Variants in CXCL13 observed in about 807,000 individuals in gnomAD.
CXCL13 encodes the protein C-X-C motif chemokine ligand 13.
In CXCL13, 7 loss-of-function variants were observed where a neutral mutation model predicts 12.2. That is an observed-to-expected ratio of 0.57 (90% CI 0.33 to 1.07). The LOEUF (loss-of-function observed/expected upper bound fraction) is 1.07. Among genes scored for constraint, CXCL13 ranks in the 50% least tolerant of loss-of-function variants. CXCL13 has a pLI of 0.04. For missense variants in CXCL13, 113 were observed against 127.4 expected, an observed-to-expected ratio of 0.89 and a Z score of 0.55; for synonymous variants, 47 against 42.4, an observed-to-expected ratio of 1.11 and a Z score of -0.42.
intron 1 of CXCL13, among the ~76,000 whole-genome samples, chr4:77,580,470 G>A (rs1726301186): frequency 6.6e-6 from 1 of 150,556 alleles, no homozygotes. Flanking sequence ...GGGACTACAG[G>A]CACCCACCAC....
At chr4:77,540,696 G>A (rs557421749) in intron 1 of CXCL13, among the ~76,000 whole-genome samples, 1 of 152,202 alleles carries the variant, frequency 6.6e-6, no homozygotes, top group South Asian at 2.1e-4. Context: ...CTGATTCTAT[G>A]CCTGCTATTG....
intron 1 of CXCL13, among the ~76,000 whole-genome samples, chr4:77,557,577 C>A (rs953480731): frequency 2.6e-5 from 4 of 152,216 alleles, no homozygotes; most frequent in African/African-American, 9.6e-5. Flanking sequence ...CAAGTCAGAT[C>A]CATTCATTAC....
chr4:77,549,326 C>G (rs1367159889), intron 1 of CXCL13, among the ~76,000 whole-genome samples: 1 of 152,172 alleles, frequency 6.6e-6, no homozygotes, highest in Non-Finnish European at 1.5e-5. Context: ...TCTTCTGAAG[C>G]CTAGTTCTGT....
intron 1 of CXCL13, among the ~76,000 whole-genome samples, chr4:77,548,041 T>A (rs1289085577): frequency 1.3e-5 from 2 of 152,082 alleles, no homozygotes; most frequent in African/African-American, 4.8e-5. Flanking sequence ...AAATTTTTTT[T>A]AAGGACTAGA....
chr4:77,582,808 A>G, intron 1 of CXCL13, among the ~76,000 whole-genome samples: 1 of 152,222 alleles, frequency 6.6e-6, no homozygotes. Flanking sequence ...TTAGTAAGTT[A>G]TTGACAGAGG....
chr4:77,516,035 C>CA (rs1405699865), intron 1 of CXCL13, among the ~76,000 whole-genome samples: 1 of 152,142 alleles, frequency 6.6e-6, no homozygotes, highest in African/African-American at 2.4e-5. Context: ...TGAATTTTGT[C>CA]AAAGGCCTTT....
intron 1 of CXCL13, among the ~76,000 whole-genome samples, chr4:77,580,223 C>G (rs1009024938): frequency 6.9e-6 from 1 of 145,442 alleles, no homozygotes; most frequent in African/African-American, 2.5e-5. Context: ...AACAAAATTT[C>G]ACTTTTAAAC....
At chr4:77,607,877 A>G (rs762118673) in intron 2 of CXCL13, 42 bp downstream of exon 2, 21 of 1,584,116 alleles carry the variant, frequency 1.3e-5, no homozygotes, top group African/African-American at 6.7e-5. Flanking sequence ...CCTTCTCCCA[A>G]TGAAATCAGA....
At chr4:77,514,070 C>G (rs1268516071) in intron 1 of CXCL13, among the ~76,000 whole-genome samples, 1 of 151,800 alleles carries the variant, frequency 6.6e-6, no homozygotes, top group Non-Finnish European at 1.5e-5. Context: ...GTTTTTTGTT[C>G]TTGCAATAGT....
chr4:77,516,325 A>C (rs528909049), intron 1 of CXCL13, among the ~76,000 whole-genome samples: 1 of 152,204 alleles, frequency 6.6e-6, no homozygotes, highest in Non-Finnish European at 1.5e-5. Flanking sequence ...GGCCTCATAA[A>C]TGAGTTAGGG....
At chr4:77,520,225 A>C (rs1027997991) in intron 1 of CXCL13, among the ~76,000 whole-genome samples, 2 of 152,138 alleles carry the variant, frequency 1.3e-5, no homozygotes, top group African/African-American at 4.8e-5. Context: ...TATGAACTTT[A>C]AAGTAGTTTT....
chr4:77,586,610 T>C (rs1236264799), intron 1 of CXCL13, among the ~76,000 whole-genome samples: 2 of 152,190 alleles, frequency 1.3e-5, no homozygotes, highest in Non-Finnish European at 2.9e-5. Flanking sequence ...CATGCTGTGC[T>C]AGGCTGCATA....
chr4:77,604,125 C>A (rs1233918256), upstream of CXCL13, among the ~76,000 whole-genome samples: 1 of 152,180 alleles, frequency 6.6e-6, no homozygotes, highest in Non-Finnish European at 1.5e-5. Context: ...TGATAACCTC[C>A]TCGGGCTCTG....
chr4:77,514,003 T>A (rs964586582), intron 1 of CXCL13, among the ~76,000 whole-genome samples: 3 of 152,094 alleles, frequency 2.0e-5, no homozygotes, highest in African/African-American at 7.2e-5. Flanking sequence ...CCCCTTCCTG[T>A]GTCCATGTGT....
At chr4:77,552,025 T>C (rs961868410) in intron 1 of CXCL13, among the ~76,000 whole-genome samples, 1 of 152,190 alleles carries the variant, frequency 6.6e-6, no homozygotes, top group Non-Finnish European at 1.5e-5. Context: ...TTCAACCTTA[T>C]CTTGTATCTC....
chr4:77,610,551 T>C, intron 2 of CXCL13, 63 bp from the exon 3 acceptor site: 1 of 1,247,936 alleles, frequency 8.0e-7, no homozygotes, highest in Non-Finnish European at 1.2e-6. Flanking sequence ...CTCTTTTCTT[T>C]ATTAAAAGTA....
intron 1 of CXCL13, among the ~76,000 whole-genome samples, chr4:77,562,429 C>A (rs1725837883): frequency 6.6e-6 from 1 of 152,024 alleles, no homozygotes; most frequent in Non-Finnish European, 1.5e-5. Context: ...ACGTGGAGAA[C>A]CTTTATGTCT....
chr4:77,529,014 A>G lies in CXCL13; in HGVS notation c.-43+17226A>G, dbSNP rs187579498. 4.4e-3 allele frequency among the ~76,000 whole-genome samples: 666 copies of G among 152,294 alleles called. 16 individuals are homozygous for G. The highest frequency in any genetic ancestry group is 0.026 in the East Asian group (137 of 5,180). On this transcript the variant is annotated intron_variant, in intron 1 of 4. Transcript: ENST00000286758. ...CTACATATGGCTAGCCAGTTTTCCCAGCACCATTTATTAAATAGGGAATCC... is the reference window on the plus strand; with the variant it reads ...CTACATATGGCTAGCCAGTTTTCCCGGCACCATTTATTAAATAGGGAATCC...
At chr4:77,517,000 T>C (rs1156551052) in intron 1 of CXCL13, among the ~76,000 whole-genome samples, 3 of 152,212 alleles carry the variant, frequency 2.0e-5, no homozygotes, top group African/African-American at 7.2e-5. Context: ...GATTCTGGTA[T>C]CTTGTGTCTT....
Sources: allele counts gnomAD v4.1 joint callset (sites outside exome capture counted in the v4.1 genomes callset), GRCh38; gene constraint gnomAD v4.1.1; transcripts MANE v1.5; gene names NCBI Gene and HGNC (gene_info 2026-07-23, HGNC 2026-07-21).